Variants in RANBP2 observed in about 807,000 individuals in gnomAD.
RANBP2 encodes RAN binding protein 2.
In RANBP2, 57 loss-of-function variants were observed where a neutral mutation model predicts 303.6. That is an observed-to-expected ratio of 0.19 (90% CI 0.15 to 0.23). The LOEUF (loss-of-function observed/expected upper bound fraction) is 0.23, where lower values mean the gene tolerates loss of function less well. Ranked by LOEUF, RANBP2 falls within the 10% of genes least tolerant of loss-of-function variation. The pLI, the probability that RANBP2 is intolerant of heterozygous loss-of-function variation, is 1.00. For synonymous variants in RANBP2, 1,167 were observed against 1,301.5 expected (o/e 0.90, Z 2.23); for missense variants, 3,138 against 3,780.8 (o/e 0.83, Z 4.46).
At chr2:109,595,415 C>T in the RANBP2 span, among the ~76,000 whole-genome samples, 1 of 152,290 alleles carries the variant, frequency 6.6e-6, no homozygotes, top group Non-Finnish European at 1.5e-5. Context: ...ATATACTTCA[C>T]TTACACCCTG....
chr2:108,897,250 A>G, the RANBP2 span: 1 of 1,605,954 alleles, frequency 6.2e-7, no homozygotes, highest in Non-Finnish European at 8.5e-7. Flanking sequence ...CAATGGCCAC[A>G]GTTAGATGTT....
the RANBP2 span, among the ~76,000 whole-genome samples, chr2:109,023,639 C>A: frequency 6.6e-6 from 1 of 152,002 alleles, no homozygotes; most frequent in Non-Finnish European, 1.5e-5. Context: ...CCTGTCTCTA[C>A]AAAAACATCA....
At chr2:109,609,681 C>G in the RANBP2 span, among the ~76,000 whole-genome samples, 1 of 144,226 alleles carries the variant, frequency 6.9e-6, no homozygotes, top group Non-Finnish European at 1.5e-5. Flanking sequence ...GAAAGTAAAA[C>G]AAATGAGAAG....
the RANBP2 span, chr2:109,543,651 G>A: frequency 6.6e-6 from 1 of 152,498 alleles, no homozygotes; most frequent in Non-Finnish European, 1.5e-5. Flanking sequence ...ATATTAATGG[G>A]TTCTGTATTT....
At chr2:109,407,323 G>C in the RANBP2 span, among the ~76,000 whole-genome samples, 1 of 152,224 alleles carries the variant, frequency 6.6e-6, no homozygotes, top group African/African-American at 2.4e-5. Context: ...AACATCAAAA[G>C]ACAGCATTTC....
the RANBP2 span, among the ~76,000 whole-genome samples, chr2:109,088,808 G>A: frequency 6.6e-6 from 1 of 152,134 alleles, no homozygotes; most frequent in African/African-American, 2.4e-5. Flanking sequence ...CACCATGCCC[G>A]GCCAGTGCTG....
At chr2:109,075,226 G>T in the RANBP2 span, among the ~76,000 whole-genome samples, 11 of 149,874 alleles carry the variant, frequency 7.3e-5, 1 homozygote, top group Middle Eastern at 3.4e-3. Context: ...GAGGTTGTTT[G>T]TTTGTTTGTT....
the RANBP2 span, among the ~76,000 whole-genome samples, chr2:108,880,216 A>AAAAC: frequency 7.6e-4 from 3 of 3,964 alleles, no homozygotes; most frequent in African/African-American, 5.3e-3. Flanking sequence ...ACAACAAACA[A>AAAAC]AAACAAACAA....
the RANBP2 span, chr2:109,567,798 T>C: frequency 3.1e-5 from 48 of 1,550,962 alleles, no homozygotes; most frequent in Non-Finnish European, 3.9e-5. Context: ...AGAATTAACA[T>C]TCAATCAGGA....
chr2:109,492,639 C>T, the RANBP2 span, among the ~76,000 whole-genome samples: 3 of 152,200 alleles, frequency 2.0e-5, no homozygotes, highest in East Asian at 3.9e-4. Flanking sequence ...ATGAGGAAAC[C>T]GAGGTTTTGT....
the RANBP2 span, among the ~76,000 whole-genome samples, chr2:109,364,171 T>C: frequency 6.6e-6 from 1 of 151,650 alleles, no homozygotes; most frequent in Non-Finnish European, 1.5e-5. Context: ...TTTTTTTTTT[T>C]CTAATTTTTT....
chr2:109,661,783 G>T, the RANBP2 span, among the ~76,000 whole-genome samples: 5 of 152,168 alleles, frequency 3.3e-5, no homozygotes, highest in Non-Finnish European at 7.3e-5. Context: ...AGGTAAACCT[G>T]TTCAAAGTCT....
the RANBP2 span, chr2:108,910,934 TG>T: frequency 1.7e-5 from 28 of 1,613,844 alleles, no homozygotes; most frequent in Non-Finnish European, 2.3e-5. Flanking sequence ...CACCGGCGCA[TG>T]GGGGCCGTCA....
the RANBP2 span, among the ~76,000 whole-genome samples, chr2:108,831,700 T>TTCCTTCCTTCCTTCCTTC: frequency 6.2e-5 from 9 of 145,152 alleles, no homozygotes; most frequent in African/African-American, 1.6e-4. Flanking sequence ...TGGCACAGAA[T>TTCCTTCCTTCCTTCCTTC]CTTCCTTCCT....
chr2:109,129,019 T>C, the RANBP2 span: 53 of 420,320 alleles, frequency 1.3e-4, no homozygotes, highest in South Asian at 8.6e-4. Context: ...ACGGTCCTGC[T>C]GAATCCTCTG....
the RANBP2 span, among the ~76,000 whole-genome samples, chr2:109,042,421 C>G: frequency 2.0e-5 from 3 of 152,078 alleles, no homozygotes; most frequent in African/African-American, 7.2e-5. Context: ...GATCAGTTCT[C>G]CCTTATCACT....
the RANBP2 span, among the ~76,000 whole-genome samples, chr2:108,872,892 C>T: frequency 6.6e-6 from 1 of 152,174 alleles, no homozygotes; most frequent in Non-Finnish European, 1.5e-5. Flanking sequence ...CAAGTCTTAA[C>T]TTGTAATAGC....
the RANBP2 span, among the ~76,000 whole-genome samples, chr2:109,394,517 CATG>C: frequency 6.6e-6 from 1 of 152,292 alleles, no homozygotes; most frequent in East Asian, 1.9e-4. Flanking sequence ...GAGCAGTCCT[CATG>C]ATGAATGGAT....
the RANBP2 span, among the ~76,000 whole-genome samples, chr2:109,702,180 C>T: frequency 2.1e-4 from 32 of 152,330 alleles, 1 homozygote; most frequent in East Asian, 6.2e-3. Flanking sequence ...TTCCAGTCCT[C>T]ATGACAGTGA....
Sources: allele counts gnomAD v4.1 joint callset (sites outside exome capture counted in the v4.1 genomes callset), GRCh38; gene constraint gnomAD v4.1.1; transcripts MANE v1.5; gene names NCBI Gene and HGNC (gene_info 2026-07-23, HGNC 2026-07-21).